TUBE1: variants seen among roughly 807,000 people sequenced by gnomAD.
The protein encoded by TUBE1 is tubulin epsilon chain.
Under a neutral mutation model 53.5 loss-of-function variants are expected in TUBE1, and 34 were observed. The ratio of observed to expected loss-of-function variants is 0.64; its 90% CI spans 0.48 to 0.85. TUBE1 has a LOEUF of 0.85. Ranked by LOEUF, TUBE1 falls within the 40% of genes least tolerant of loss-of-function variation. TUBE1 has a pLI of 0.00. For missense variants in TUBE1, 532 were observed against 570.5 expected (o/e 0.93, Z 0.69); for synonymous variants, 177 against 198.4 (o/e 0.89, Z 0.91).
At chr6:112,075,774 T>C (rs782358986) in intron 8 of TUBE1, 163 bp downstream of exon 8, 6 of 572,904 alleles carry the variant, frequency 1.0e-5, no homozygotes, top group Non-Finnish European at 1.8e-5. Flanking sequence ...TTTGGAGTCA[T>C]AGAAGGTAAA....
chr6:112,071,251 G>T lies in TUBE1; in HGVS notation c.*161C>A. 1 of 581,826 alleles carries T rather than the reference G, an allele frequency of 1.7e-6. No homozygotes were observed. The highest frequency in any genetic ancestry group is 2.8e-6 in the Non-Finnish European group (1 of 360,624). The allele number at this position is 581,826 out of a possible 1,614,324, so 36.0% of individuals were successfully genotyped here. On this transcript the variant is annotated 3_prime_UTR_variant, in exon 12 of 12. Transcript: ENST00000368662. ...AAGATTTCACTAATTTCACACATTG[G>T]TATTACCAACAAATTGCGATTAAAC...
At chr6:112,081,442 G>C (rs1224311526) in intron 4 of TUBE1, among the ~76,000 whole-genome samples, 1 of 151,988 alleles carries the variant, frequency 6.6e-6, no homozygotes, top group Non-Finnish European at 1.5e-5. Flanking sequence ...AAAATGCCTA[G>C]TTGGGGGAAA....
chr6:112,075,084 T>TTTG (rs1776939179), intron 8 of TUBE1: 1 of 207,864 alleles, frequency 4.8e-6, no homozygotes, highest in African/African-American at 2.5e-5. Flanking sequence ...TTTTTTTTTT[T>TTTG]GAGACAGGGT....
intron 4 of TUBE1, 67 bp from the exon 5 acceptor site, chr6:112,081,274 A>T: frequency 1.2e-6 from 1 of 823,552 alleles, no homozygotes; most frequent in Non-Finnish European, 1.9e-6. Context: ...GTAAATGAAA[A>T]GAATTTATGC....
intron 6 of TUBE1, chr6:112,077,567 T>A (rs1261686382): frequency 6.6e-6 from 1 of 152,082 alleles, no homozygotes; most frequent in Non-Finnish European, 1.5e-5. Context: ...TATGCTGCAT[T>A]GTGATATATA....
intron 2 of TUBE1, 34 bp downstream of exon 2, chr6:112,087,199 A>ACAGG: frequency 6.5e-7 from 1 of 1,542,910 alleles, no homozygotes; most frequent in Non-Finnish European, 8.8e-7. Flanking sequence ...GACCTAGCTG[A>ACAGG]CAGGCGAGGG....
chr6:112,080,908 A>G (rs1777059294), intron 5 of TUBE1, among the ~76,000 whole-genome samples, 184 bp downstream of exon 5: 2 of 152,170 alleles, frequency 1.3e-5, no homozygotes, highest in Non-Finnish European at 2.9e-5. Context: ...TCTTTAAAAA[A>G]GTTAGAAAGA....
intron 2 of TUBE1, chr6:112,086,839 A>T: frequency 2.0e-6 from 1 of 510,112 alleles, no homozygotes; most frequent in Non-Finnish European, 3.4e-6. Context: ...TTTCACCCAT[A>T]GGACTGTAGG....
At position 112,074,825 on chromosome 6, in the gene TUBE1, T is replaced by A. The variant is rs1279635488; in HGVS notation, c.838A>T (p.Asn280Tyr). 6.3e-7 allele frequency: 1 copy of A among 1,589,478 alleles called. No homozygotes were observed. Among genetic ancestry groups the A allele is most frequent in the Non-Finnish European group, 8.5e-7 (1 of 1,172,884 alleles). Residue 280 changes from asparagine to tyrosine, a missense_variant, in exon 9 of 12, where the codon AAT becomes TAT. Physicochemically the swap from Asn to Tyr is moderately radical, Grantham distance 143. Coordinates refer to ENST00000368662, the MANE Select transcript of TUBE1 (RefSeq NM_016262.5). ...ATGCTGATTTCATTAAGGTCCATAT[T>A]AAGGGACCCTTCAAATCTTGCAGAG... ...TSSARFEGSL[N>Y]MDLNEISMNL...
At chr6:112,074,667 G>C in intron 9 of TUBE1, 43 bp downstream of exon 9, 1 of 1,377,700 alleles carries the variant, frequency 7.3e-7, no homozygotes, top group Non-Finnish European at 9.5e-7. Context: ...GTTTTTTAAA[G>C]TAATTTGAGG....
intron 4 of TUBE1, among the ~76,000 whole-genome samples, chr6:112,081,685 TC>T (rs1438633440): frequency 1.3e-5 from 2 of 151,650 alleles, no homozygotes; most frequent in Non-Finnish European, 2.9e-5. Flanking sequence ...GACAACATGG[TC>T]CCTTCCCCCA....
chr6:112,086,989 C>T, intron 2 of TUBE1: 1 of 553,560 alleles, frequency 1.8e-6, no homozygotes, highest in Non-Finnish European at 3.2e-6. Flanking sequence ...CTGTTCTGCA[C>T]ACGAACACCA....
Position 112,072,858 on chromosome 6 carries a change from G to A in TUBE1, c.994C>T (p.Gln332Ter). The A allele has an allele frequency of 6.2e-7, 1 of 1,613,416 alleles. No homozygotes were observed. The highest frequency in any genetic ancestry group is 8.5e-7 in the Non-Finnish European group (1 of 1,179,674). The change falls in exon 10 of 12, where the codon CAG (glutamine) becomes TAG (stop). Residue 332 changes from glutamine (Q) to a stop codon, truncating the protein, a stop_gained. Coordinates refer to ENST00000368662, the MANE Select transcript of TUBE1 (RefSeq NM_016262.5). LOFTEE classifies it high-confidence loss of function. ...TGTTTGGGGTCTGCCCGAAGCAGCT[G>A]GTGATCTTTACTAAAGGCATCTGAA... ...MFSDAFSKDH[Q>*]LLRADPKHSL...
rs1776872293 is a variant in TUBE1 at position 112,071,889 on chromosome 6, G to A, written c.1269+13C>T. On this transcript the variant is annotated intron_variant, in intron 11 of 11. Coordinates refer to ENST00000368662, the MANE Select transcript of TUBE1 (RefSeq NM_016262.5). ...AATAAACACATACAGTTACAAAGCTGTACAATAATTACCTTTTTCTTGTAG... is the reference window on the plus strand; with the variant it reads ...AATAAACACATACAGTTACAAAGCTATACAATAATTACCTTTTTCTTGTAG... 6.3e-7 allele frequency: 1 copy of A among 1,587,602 alleles called. No homozygotes were observed. Among genetic ancestry groups the A allele is most frequent in the African/African-American group, 1.4e-5 (1 of 73,660 alleles).
chr6:112,071,611 A>T, intron 11 of TUBE1, 41 bp from the exon 12 acceptor site: 3 of 1,475,200 alleles, frequency 2.0e-6, no homozygotes, highest in Non-Finnish European at 2.8e-6. Flanking sequence ...CATTTCAGGA[A>T]CTTTAATACA....
At chr6:112,071,785 C>G in intron 11 of TUBE1, 117 bp downstream of exon 11, 3 of 1,061,572 alleles carry the variant, frequency 2.8e-6, no homozygotes, top group Non-Finnish European at 3.9e-6. Context: ...CAGTTATAAT[C>G]AGTACAACGC....
intron 7 of TUBE1, 90 bp downstream of exon 7, chr6:112,076,232 G>C: frequency 6.8e-7 from 1 of 1,469,684 alleles, no homozygotes; most frequent in Non-Finnish European, 9.2e-7. Context: ...AGGCTGAAAA[G>C]TGAAGAGAAC....
chr6:112,080,393 C>A (rs587688972), intron 5 of TUBE1, among the ~76,000 whole-genome samples: 79 of 152,108 alleles, frequency 5.2e-4, no homozygotes, highest in African/African-American at 1.9e-3. Flanking sequence ...ATAAGTTATA[C>A]AACAATTAGT....
At chr6:112,075,780 G>A (rs1174880390) in intron 8 of TUBE1, 157 bp downstream of exon 8, 3 of 600,662 alleles carry the variant, frequency 5.0e-6, no homozygotes, top group Admixed American at 3.4e-5. Context: ...GTCATAGAAG[G>A]TAAAATTCTG....
Sources: gnomAD v4.1 joint callset for allele counts (sites outside exome capture counted in the v4.1 genomes callset) on GRCh38, gnomAD v4.1.1 for gene constraint, MANE v1.5 for transcripts, NCBI Gene and HGNC (gene_info 2026-07-23, HGNC 2026-07-21) for gene names.